The following ERVW-1 variants were observed in gnomAD, a reference collection of about 807,000 sequenced individuals.
ERVW-1 encodes the protein endogenous retrovirus group W member 1, envelope.
In ERVW-1, 21 loss-of-function variants were observed where a neutral mutation model predicts 16.6. The observed-to-expected ratio is 1.26, with a 90% CI of 0.90 to 1.82. The LOEUF (loss-of-function observed/expected upper bound fraction) is 1.82. Ranked by LOEUF, ERVW-1 falls within the 40% of genes most tolerant of loss-of-function variation. ERVW-1 has a pLI of 0.00. For missense variants in ERVW-1, 412 were observed against 300.2 expected (o/e 1.37, Z -2.75); for synonymous variants, 161 against 109.8 (o/e 1.47, Z -2.92).
In ERVW-1 at chr7:92,468,979, A is replaced by T. The variant is rs1377377915; in HGVS notation, c.1403T>A (p.Ile468Asn). ...GACAAAGTTAACAAGGAGGTTAAAG[A>T]TACAGGGTCCAAAGAGGAGTAGCAA... ...IILLLLFGPC[I>N]FNLLVNFVSS... The change falls in exon 2 of 2, where the codon ATC becomes AAC. Residue 468 changes from isoleucine to asparagine, a missense_variant. By Grantham distance (149) the Ile-to-Asn change is moderately radical. Transcript: ENST00000603053. 3 of 762,504 alleles carry T rather than the reference A, an allele frequency of 3.9e-6. No homozygotes were observed. Among genetic ancestry groups the T allele is most frequent in the Non-Finnish European group, 7.2e-6 (3 of 417,384 alleles). 47.2% of individuals were successfully genotyped at this position (762,504 alleles called of 1,614,324 possible). A position where few individuals can be genotyped will look rare whatever the true frequency, so the allele number is the denominator to read the frequency against.
rs139139983 is a variant in ERVW-1 at position 92,470,255 on chromosome 7, G to A, written c.127C>T (p.Arg43Cys). ...GATGGGGCATCAATATTTCCGGGACGCTGCATTCTCCATAGAAACTCTTGG... is the reference window on the plus strand; with the variant it reads ...GATGGGGCATCAATATTTCCGGGACACTGCATTCTCCATAGAAACTCTTGG... ...PYQEFLWRMQRPGNIDAPSYR... is the reference protein window; with the variant it reads ...PYQEFLWRMQCPGNIDAPSYR... The change falls in exon 2 of 2, where the codon CGT (arginine) becomes TGT (cysteine). Residue 43 changes from arginine (R) to cysteine (C), a missense_variant. By Grantham distance (180) the Arg-to-Cys change is radical (BLOSUM62 -3). Coordinates refer to ENST00000603053, the MANE Select transcript of ERVW-1 (RefSeq NM_001130925.2). 55 of 778,702 alleles carry A rather than the reference G, an allele frequency of 7.1e-5. No homozygotes were observed. Among genetic ancestry groups the A allele is most frequent in the Admixed American group, 5.9e-4 (35 of 58,990 alleles). The allele number at this position is 778,702 out of a possible 1,614,324, so 48.2% of individuals were successfully genotyped here.
Position 92,470,019 on chromosome 7 carries a change from T to G in ERVW-1, c.363A>C (p.Gln121His). 1.3e-6 allele frequency: 1 copy of G among 778,814 alleles called. No individual in the cohort carries two copies. The highest frequency in any genetic ancestry group is 2.4e-6 in the Non-Finnish European group (1 of 417,924). 48.2% of individuals were successfully genotyped at this position (778,814 alleles called of 1,614,324 possible). The stretch of plus-strand genomic sequence containing the variant: ...TTACATGTTTTTCTCTTGCCTGATC[T>G]TGAACTCCACCCCCATCAGACATAC... Reference protein sequence around the residue: ...QTGMSDGGGVQDQAREKHVKE... With the variant: ...QTGMSDGGGVHDQAREKHVKE... Residue 121 changes from glutamine to histidine, a missense_variant, in exon 2 of 2, where the codon CAA becomes CAC. Coordinates refer to ENST00000603053, the MANE Select transcript of ERVW-1 (RefSeq NM_001130925.2).
intron 1 of ERVW-1, chr7:92,472,397 AG>A (rs1165238143): frequency 6.6e-6 from 1 of 152,254 alleles, no homozygotes; most frequent in African/African-American, 2.4e-5. Flanking sequence ...GTAAACAATG[AG>A]GTCAACCCTT....
intron 1 of ERVW-1, among the ~76,000 whole-genome samples, chr7:92,476,332 G>A (rs1321650560): frequency 1.3e-5 from 2 of 152,146 alleles, no homozygotes; most frequent in Admixed American, 1.3e-4. Flanking sequence ...TTTTAGCAAA[G>A]CAGTTGCGCT....
At chr7:92,476,835 G>A (rs982365297) in intron 1 of ERVW-1, among the ~76,000 whole-genome samples, 1 of 152,148 alleles carries the variant, frequency 6.6e-6, no homozygotes, top group African/African-American at 2.4e-5. Flanking sequence ...GACTCCCTGG[G>A]TTATAGCCTA....
chr7:92,476,021 C>G (rs1465881320), intron 1 of ERVW-1, among the ~76,000 whole-genome samples: 2 of 152,132 alleles, frequency 1.3e-5, no homozygotes, highest in African/African-American at 4.8e-5. Flanking sequence ...TACTGAATAC[C>G]CATTGTGGTT....
Position 92,470,477 on chromosome 7 carries a change from C to A in ERVW-1, c.-96G>T. ...TCACAGGAATAGCTAGCGTTGTCTC[C>A]TGGATTTTCAGGTTCCTTTGGCAGT... On this transcript the variant is annotated 5_prime_UTR_variant, in exon 2 of 2. The change creates a new upstream start codon in the 5' untranslated region. Coordinates refer to ENST00000603053, the MANE Select transcript of ERVW-1 (RefSeq NM_001130925.2). 1.7e-6 allele frequency: 1 copy of A among 599,848 alleles called. No homozygotes were observed. Among genetic ancestry groups the A allele is most frequent in the South Asian group, 2.1e-5 (1 of 46,700 alleles). 37.2% of individuals were successfully genotyped at this position (599,848 alleles called of 1,614,324 possible).
Position 92,470,008 on chromosome 7 carries a change from C to T in ERVW-1, c.374G>A (p.Arg125Lys). ...GATTACTTCTTTTACATGTTTTTCT[C>T]TTGCCTGATCTTGAACTCCACCCCC... is the stretch of plus-strand genomic sequence containing the variant. Reference protein sequence around the residue: ...SDGGGVQDQAREKHVKEVISQ... With the variant: ...SDGGGVQDQAKEKHVKEVISQ... Residue 125 changes from arginine to lysine, a missense_variant, in exon 2 of 2, where the codon AGA becomes AAA. Physicochemically the swap from Arg to Lys is conservative, Grantham distance 26. Transcript: ENST00000603053. The T allele has an allele frequency of 1.3e-6, 1 of 778,528 alleles. No homozygotes were observed. Among genetic ancestry groups the T allele is most frequent in the South Asian group, 1.3e-5 (1 of 74,492 alleles). The allele number at this position is 778,528 out of a possible 1,614,324, so 48.2% of individuals were successfully genotyped here. A position where few individuals can be genotyped will look rare whatever the true frequency, so the allele number is the denominator to read the frequency against.
chr7:92,469,859 G>A lies in ERVW-1; in HGVS notation c.523C>T (p.Leu175Phe), dbSNP rs1192878310. 2 of 776,000 alleles carry A rather than the reference G, an allele frequency of 2.6e-6. No homozygotes were observed. The highest frequency in any genetic ancestry group is 1.7e-5 in the African/African-American group (1 of 59,068). The allele number at this position is 776,000 out of a possible 1,614,324, so 48.1% of individuals were successfully genotyped here. A position where few individuals can be genotyped will look rare whatever the true frequency, so the allele number is the denominator to read the frequency against. The change falls in exon 2 of 2, where the codon CTC (leucine) becomes TTC (phenylalanine). Residue 175 changes from leucine to phenylalanine, a missense_variant. Transcript: ENST00000603053. ...GGGTTTTGGGCCGAGACCTCATGGA[G>A]CCCAGTGAGGGTGGTATTAAATAGG... The part of the protein sequence containing the change: ...VSLFNTTLTG[L>F]HEVSAQNPTN...
chr7:92,476,783 T>C (rs1036196904), intron 1 of ERVW-1, among the ~76,000 whole-genome samples: 1 of 152,056 alleles, frequency 6.6e-6, no homozygotes, highest in Non-Finnish European at 1.5e-5. Context: ...ACTGCCCATG[T>C]CAAGAGCTGT....
chr7:92,470,578 ATGAC>A lies in ERVW-1; in HGVS notation c.-201_-198del, dbSNP rs1790308602. 1 of 516,520 alleles carries A rather than the reference ATGAC, an allele frequency of 1.9e-6. No homozygotes were observed. Among genetic ancestry groups the A allele is most frequent in the African/African-American group, 1.9e-5 (1 of 51,450 alleles). The allele number at this position is 516,520 out of a possible 1,614,324, so 32.0% of individuals were successfully genotyped here. A position where few individuals can be genotyped will look rare whatever the true frequency, so the allele number is the denominator to read the frequency against. ...TTTAACCGCAGTTGGGGTAGATAAA[ATGAC>A]TGGGTAGGGTCCTTCCCAGGATGTA... is the stretch of plus-strand genomic sequence containing the variant. On this transcript the variant is annotated 5_prime_UTR_variant, in exon 2 of 2. Transcript: ENST00000603053.
chr7:92,477,927 G>A lies in ERVW-1; in HGVS notation c.-773C>T, dbSNP rs1321161002. ...AAAACAGCTCCCATACAAAGGGAAG[G>A]GACCCAAAGGGGGGCTGCTGTTGCC... On this transcript the variant is annotated 5_prime_UTR_variant, in exon 1 of 2. Transcript: ENST00000603053. 3 of 152,670 alleles carry A rather than the reference G, an allele frequency of 2.0e-5. No individual in the cohort carries two copies. The highest frequency in any genetic ancestry group is 4.4e-5 in the Non-Finnish European group (3 of 68,344). The allele number at this position is 152,670 out of a possible 1,614,324, so 9.5% of individuals were successfully genotyped here.
chr7:92,473,452 C>T (rs1005573063), intron 1 of ERVW-1, among the ~76,000 whole-genome samples: 8 of 152,108 alleles, frequency 5.3e-5, no homozygotes, highest in Non-Finnish European at 8.8e-5. Context: ...TTAACTTGAA[C>T]AGGACGGGCA....
chr7:92,472,104 G>C (rs1790373916), intron 1 of ERVW-1: 1 of 152,222 alleles, frequency 6.6e-6, no homozygotes, highest in Non-Finnish European at 1.5e-5. Flanking sequence ...GTCCCCTCGA[G>C]TGGCATAGGT....
chr7:92,473,397 AG>A (rs1354418321), intron 1 of ERVW-1, among the ~76,000 whole-genome samples: 2 of 151,930 alleles, frequency 1.3e-5, no homozygotes, highest in Non-Finnish European at 2.9e-5. Flanking sequence ...CTTGGGTCTG[AG>A]GGGGTACTGC....
At chr7:92,475,121 T>G (rs576751853) in intron 1 of ERVW-1, 33 of 152,294 alleles carry the variant, frequency 2.2e-4, no homozygotes, top group African/African-American at 7.7e-4. Flanking sequence ...TTCACTCCAT[T>G]TGCCTTTTCT....
At chr7:92,474,589 C>CTTTCCTCT in intron 1 of ERVW-1, 1 of 152,242 alleles carries the variant, frequency 6.6e-6, no homozygotes, top group Non-Finnish European at 1.5e-5. Flanking sequence ...GAATCATTCT[C>CTTTCCTCT]TTTCCTCTGT....
chr7:92,474,299 T>C (rs951110201), intron 1 of ERVW-1, among the ~76,000 whole-genome samples: 2 of 152,106 alleles, frequency 1.3e-5, no homozygotes, highest in Admixed American at 6.5e-5. Flanking sequence ...GCTGACTGAG[T>C]GATAAACTTA....
chr7:92,476,862 G>A (rs1486648421), intron 1 of ERVW-1, among the ~76,000 whole-genome samples: 1 of 152,182 alleles, frequency 6.6e-6, no homozygotes, highest in Non-Finnish European at 1.5e-5. Flanking sequence ...TAAGGACGCA[G>A]CGCAGAGCTT....
Sources: gnomAD v4.1 joint callset for allele counts (sites outside exome capture counted in the v4.1 genomes callset) on GRCh38, gnomAD v4.1.1 for gene constraint, MANE v1.5 for transcripts, NCBI Gene and HGNC (gene_info 2026-07-23, HGNC 2026-07-21) for gene names.